The following KCNH5 variants were observed in gnomAD, a reference collection of about 807,000 sequenced individuals.
KCNH5 encodes potassium voltage-gated channel subfamily H member 5.
KCNH5 carries 46 observed loss-of-function variants against 96.1 expected under a neutral mutation model. That is an observed-to-expected ratio of 0.48 (90% CI 0.38 to 0.61). The LOEUF (loss-of-function observed/expected upper bound fraction) is 0.61, where lower values mean the gene tolerates loss of function less well. Ranked by LOEUF, KCNH5 falls within the 20% of genes least tolerant of loss-of-function variation. KCNH5 has a pLI of 0.00. For synonymous variants in KCNH5, 439 were observed against 449.8 expected, an observed-to-expected ratio of 0.98 and a Z score of 0.30; for missense variants, 907 against 1,225.8, an observed-to-expected ratio of 0.74 and a Z score of 3.88.
intron 9 of KCNH5, among the ~76,000 whole-genome samples, chr14:62,795,934 A>G (rs1177445505): frequency 6.6e-6 from 1 of 152,174 alleles, no homozygotes; most frequent in Admixed American, 6.6e-5. Flanking sequence ...AAAGTATTCT[A>G]AATAAAGGAG....
At chr14:62,878,856 C>G (rs1210584027) in intron 7 of KCNH5, among the ~76,000 whole-genome samples, 1 of 152,116 alleles carries the variant, frequency 6.6e-6, no homozygotes, top group East Asian at 1.9e-4. Context: ...GGTCTTCCCT[C>G]TGTGTATATC....
chr14:62,909,231 G>C (rs1241033102), intron 7 of KCNH5, among the ~76,000 whole-genome samples: 1 of 150,492 alleles, frequency 6.6e-6, no homozygotes, highest in Non-Finnish European at 1.5e-5. Flanking sequence ...ATTTTTAGTA[G>C]AGACGGGGTT....
intron 7 of KCNH5, among the ~76,000 whole-genome samples, chr14:62,928,480 A>G (rs1889517580): frequency 2.0e-5 from 3 of 152,108 alleles, no homozygotes; most frequent in Non-Finnish European, 4.4e-5. Flanking sequence ...CATTATTTGG[A>G]GCATTTTATA....
intron 10 of KCNH5, among the ~76,000 whole-genome samples, chr14:62,710,650 G>T (rs1884547380): frequency 1.3e-5 from 2 of 152,020 alleles, no homozygotes; most frequent in Non-Finnish European, 1.5e-5. Flanking sequence ...TTTTAAGGTG[G>T]TTGTTTAGCC....
chr14:62,945,683 A>G (rs1466812001), intron 7 of KCNH5, among the ~76,000 whole-genome samples: 1 of 152,020 alleles, frequency 6.6e-6, no homozygotes, highest in Non-Finnish European at 1.5e-5. Context: ...GTGTTTTTTT[A>G]TAGTAGGGTA....
chr14:62,904,823 C>T (rs1888996555), intron 7 of KCNH5, among the ~76,000 whole-genome samples: 1 of 152,160 alleles, frequency 6.6e-6, no homozygotes, highest in Admixed American at 6.5e-5. Context: ...TATCCTGCAT[C>T]TGAAATTATG....
intron 9 of KCNH5, among the ~76,000 whole-genome samples, chr14:62,787,935 C>T (rs1886351973): frequency 6.6e-6 from 1 of 152,188 alleles, no homozygotes; most frequent in South Asian, 2.1e-4. Flanking sequence ...TGAAGATCTA[C>T]AAGACGAATG....
intron 8 of KCNH5, among the ~76,000 whole-genome samples, chr14:62,822,050 T>G (rs1185480061): frequency 6.6e-6 from 1 of 152,082 alleles, no homozygotes; most frequent in East Asian, 1.9e-4. Context: ...AATGAAATAC[T>G]TAGGTATAAA....
In KCNH5 at chr14:62,993,862, G is replaced by A. The variant is rs898004960; in HGVS notation, c.434-6675C>T. ...TTGCTAATGTTACTTAGATGTGGTCGATACAGGGTAATGCAAACAGAGAGC... is the reference window on the plus strand; with the variant it reads ...TTGCTAATGTTACTTAGATGTGGTCAATACAGGGTAATGCAAACAGAGAGC... On this transcript the variant is annotated intron_variant, in intron 4 of 10. Transcript: ENST00000322893. Among the ~76,000 whole-genome samples the A allele has an allele frequency of 4.6e-5, 7 of 151,980 alleles. No individual in the cohort carries two copies. The South Asian group carries it at 1.0e-3, about 23-fold the overall frequency.
At chr14:62,802,204 G>A (rs1318330784) in intron 9 of KCNH5, 125 bp downstream of exon 9, 11 of 841,484 alleles carry the variant, frequency 1.3e-5, no homozygotes, top group African/African-American at 5.2e-5. Context: ...TAAGATTCAC[G>A]TCTCATTAGT....
intron 4 of KCNH5, among the ~76,000 whole-genome samples, chr14:62,997,634 T>C (rs1404768574): frequency 2.6e-5 from 4 of 152,036 alleles, no homozygotes; most frequent in Non-Finnish European, 4.4e-5. Context: ...TTTGAATCTA[T>C]ATTCATGAAA....
At chr14:62,919,887 G>A (rs569784556) in intron 7 of KCNH5, among the ~76,000 whole-genome samples, 6 of 152,142 alleles carry the variant, frequency 3.9e-5, no homozygotes, top group South Asian at 4.1e-4. Flanking sequence ...CAAACCAAGC[G>A]GGGAGAGAGA....
chr14:62,837,181 C>T (rs1887482226), intron 8 of KCNH5, among the ~76,000 whole-genome samples: 1 of 152,096 alleles, frequency 6.6e-6, no homozygotes, highest in Admixed American at 6.6e-5. Context: ...CCAAGTGTCT[C>T]TTTGTGTAAC....
At chr14:62,796,088 C>T (rs1166709527) in intron 9 of KCNH5, among the ~76,000 whole-genome samples, 1 of 152,100 alleles carries the variant, frequency 6.6e-6, no homozygotes, top group Non-Finnish European at 1.5e-5. Flanking sequence ...ACCCAAATGG[C>T]CCCATAAGCC....
chr14:62,979,048 C>T (rs990761114), intron 6 of KCNH5, among the ~76,000 whole-genome samples: 5 of 152,166 alleles, frequency 3.3e-5, no homozygotes, highest in Non-Finnish European at 7.4e-5. Flanking sequence ...TCCACCATCT[C>T]TCCATTCACC....
intron 7 of KCNH5, among the ~76,000 whole-genome samples, chr14:62,908,572 C>T (rs1420796989): frequency 6.6e-6 from 1 of 152,066 alleles, no homozygotes; most frequent in East Asian, 1.9e-4. Flanking sequence ...GAGACAGCAC[C>T]TAAACAAAGA....
chr14:62,700,818 A>G lies in KCNH5; in HGVS notation c.*6690T>C, dbSNP rs1304274212. ...AAGTTGAGGAGCAAATGAGGGGTCC[A>G]TGGCAACAATGGTTCTAGGAACAAC... On this transcript the variant is annotated 3_prime_UTR_variant, in exon 11 of 11. Coordinates refer to ENST00000322893, the MANE Select transcript of KCNH5 (RefSeq NM_139318.5). 1 of 152,162 alleles carries G rather than the reference A, an allele frequency of 6.6e-6. No homozygotes were observed. Among genetic ancestry groups the G allele is most frequent in the Non-Finnish European group, 1.5e-5 (1 of 68,016 alleles). The allele number at this position is 152,162 out of a possible 1,614,324, so 9.4% of individuals were successfully genotyped here.
At chr14:62,844,557 A>G (rs1409924463) in intron 8 of KCNH5, among the ~76,000 whole-genome samples, 1 of 152,102 alleles carries the variant, frequency 6.6e-6, no homozygotes, top group Non-Finnish European at 1.5e-5. Context: ...TTCTTCCTTC[A>G]TGTACACAGA....
intron 7 of KCNH5, among the ~76,000 whole-genome samples, chr14:62,901,519 G>A (rs960386267): frequency 6.6e-6 from 1 of 152,062 alleles, no homozygotes; most frequent in African/African-American, 2.4e-5. Context: ...TAGGATAATG[G>A]GTTCCAGCTG....
Sources: gnomAD v4.1 joint callset for allele counts (sites outside exome capture counted in the v4.1 genomes callset) on GRCh38, gnomAD v4.1.1 for gene constraint, MANE v1.5 for transcripts, NCBI Gene and HGNC (gene_info 2026-07-23, HGNC 2026-07-21) for gene names.